STPG2: variants seen among roughly 807,000 people sequenced by gnomAD.
STPG2 encodes the protein sperm tail PG-rich repeat containing 2, also known as sperm-tail PG-rich repeat-containing protein 2.
In STPG2, 56 loss-of-function variants were observed where a neutral mutation model predicts 54.2. That is an observed-to-expected ratio of 1.03 (90% CI 0.83 to 1.29). The LOEUF (loss-of-function observed/expected upper bound fraction) is 1.29, where lower values mean the gene tolerates loss of function less well. Among genes scored for constraint, STPG2 ranks in the 50% most tolerant of loss-of-function variants. The probability of loss-of-function intolerance (pLI) is 0.00; values close to 1 mark genes in which losing one functional copy is unlikely to be tolerated. For synonymous variants in STPG2, 200 were observed against 181.8 expected (o/e 1.10, Z -0.81); for missense variants, 596 against 544.9 (o/e 1.09, Z -0.93).
intron 4 of STPG2, among the ~76,000 whole-genome samples, chr4:98,108,781 C>A (rs1002052449): frequency 6.6e-6 from 1 of 151,676 alleles, no homozygotes; most frequent in Non-Finnish European, 1.5e-5. Flanking sequence ...ATAGATGTAA[C>A]AATATTAACT....
intron 10 of STPG2, among the ~76,000 whole-genome samples, chr4:97,634,094 C>G (rs1386228089): frequency 6.6e-6 from 1 of 152,158 alleles, no homozygotes; most frequent in Non-Finnish European, 1.5e-5. Context: ...ATGTCCCTGT[C>G]TGACAGCTTT....
Position 97,454,519 on chromosome 4 carries a change from CAAAAAAAAAAAAAAAAAAAA to C in STPG2, c.462+258160_462+258179del, listed in dbSNP as rs10564687. On this transcript the variant is annotated intron_variant, in intron 4 of 4. Coordinates refer to the STPG2 transcript ENST00000522676. ...TGGGCGACAGAGCGAGACTCCGTCTCAAAAAAAAAAAAAAAAAAAAAAAAAAAAAAAAAAAAAAGAAAAGG... is the reference window on the plus strand; with the variant it reads ...TGGGCGACAGAGCGAGACTCCGTCTCAAAAAAAAAAAAAAAAAAGAAAAGG... 4.6e-3 allele frequency among the ~76,000 whole-genome samples: 201 copies of C among 43,682 alleles called. 1 individual carries two copies. Among genetic ancestry groups the C allele is most frequent in the South Asian group, 7.7e-3 (5 of 652 alleles). The allele number at this position is 43,682 out of a possible 152,430, so 28.7% of individuals were successfully genotyped here. A position where few individuals can be genotyped will look rare whatever the true frequency, so the allele number is the denominator to read the frequency against.
intron 9 of STPG2, among the ~76,000 whole-genome samples, chr4:97,755,639 C>A (rs1200583527): frequency 6.6e-6 from 1 of 152,086 alleles, no homozygotes; most frequent in African/African-American, 2.4e-5. Context: ...TGTGTGCATA[C>A]CCAAATTTGA....
At chr4:98,135,560 C>T (rs2110169186) in intron 1 of STPG2, among the ~76,000 whole-genome samples, 1 of 151,788 alleles carries the variant, frequency 6.6e-6, no homozygotes, top group Middle Eastern at 3.4e-3. Context: ...AGTTCTCATC[C>T]ACATTGAGAT....
At chr4:97,870,057 T>C (rs886139630) in intron 8 of STPG2, among the ~76,000 whole-genome samples, 1 of 151,668 alleles carries the variant, frequency 6.6e-6, no homozygotes, top group Non-Finnish European at 1.5e-5. Context: ...ATATTTAACA[T>C]CATCAAAATA....
intron 9 of STPG2, among the ~76,000 whole-genome samples, chr4:97,722,625 G>C (rs1015067205): frequency 6.6e-6 from 1 of 151,756 alleles, no homozygotes; most frequent in African/African-American, 2.4e-5. Context: ...TCTTAAGAGG[G>C]AACATGAGTC....
chr4:97,840,886 A>G lies in STPG2; in HGVS notation c.1091T>C (p.Met364Thr), dbSNP rs1343856368. Residue 364 changes from methionine to threonine, a missense_variant, in exon 9 of 11, where the codon ATG (methionine) becomes ACG (threonine). By Grantham distance (81) the Met-to-Thr change is moderately conservative. Coordinates refer to ENST00000295268, the MANE Select transcript of STPG2 (RefSeq NM_174952.3). Reference sequence around the variant, plus strand: ...CATATATTTATGCTTAACTTGGGACATCTCATATGATTTGTGAACATCATA... The same window carrying G: ...CATATATTTATGCTTAACTTGGGACGTCTCATATGATTTGTGAACATCATA... Reference protein sequence around the residue: ...GSYDVHKSYEMSQVKHKYMPP... With the variant: ...GSYDVHKSYETSQVKHKYMPP... 1.2e-6 allele frequency: 2 copies of G among 1,611,998 alleles called. No homozygotes were observed. The highest frequency in any genetic ancestry group is 3.3e-5 in the Admixed American group (2 of 59,778).
At chr4:97,924,372 T>C (rs1732255352) in intron 8 of STPG2, among the ~76,000 whole-genome samples, 1 of 152,234 alleles carries the variant, frequency 6.6e-6, no homozygotes, top group Non-Finnish European at 1.5e-5. Context: ...ACACATGCTA[T>C]AGTAATACAA....
At chr4:97,939,940 G>A (rs1484512402) in intron 8 of STPG2, among the ~76,000 whole-genome samples, 2 of 152,082 alleles carry the variant, frequency 1.3e-5, no homozygotes, top group African/African-American at 4.8e-5. Flanking sequence ...AGCTGGTAGT[G>A]GTGTTTCCTT....
At position 98,020,062 on chromosome 4, in the gene STPG2, G is replaced by A. The variant is rs1736122969; in HGVS notation, c.613-38744C>T. Among the ~76,000 whole-genome samples the A allele has an allele frequency of 5.8e-5, 7 of 121,424 alleles. 2 individuals carry two copies. In the South Asian group the frequency reaches 2.0e-3, roughly 35 times the overall value. The allele number at this position is 121,424 out of a possible 152,430, so 79.7% of individuals were successfully genotyped here. A position where few individuals can be genotyped will look rare whatever the true frequency, so the allele number is the denominator to read the frequency against. On this transcript the variant is annotated intron_variant, in intron 5 of 10. Transcript: ENST00000295268. ...AGAACTTCCAACAGTATGTTGAATAGGAGTGGTGAGAGAGGGCATCCCTGT... is the reference window on the plus strand; with the variant it reads ...AGAACTTCCAACAGTATGTTGAATAAGAGTGGTGAGAGAGGGCATCCCTGT...
chr4:97,587,011 T>G (rs976159688), intron 10 of STPG2, among the ~76,000 whole-genome samples: 1 of 151,970 alleles, frequency 6.6e-6, no homozygotes, highest in African/African-American at 2.4e-5. Context: ...GCCACTCTTA[T>G]GTATGGCAAT....
At chr4:98,067,252 A>T (rs1737862744) in intron 5 of STPG2, among the ~76,000 whole-genome samples, 1 of 152,200 alleles carries the variant, frequency 6.6e-6, no homozygotes, top group African/African-American at 2.4e-5. Flanking sequence ...GCAATGCTGG[A>T]ACTGTACCTT....
rs189355800 is a variant in STPG2, at chr4:97,904,200, G to C, written c.1044+39697C>G. On this transcript the variant is annotated intron_variant, in intron 8 of 10. Transcript: ENST00000295268. ...AACCTCTGCAGACTTAAATGTCCCT[G>C]TCTAACAGCTTTGAAGAGAGCAGTG... Among the ~76,000 whole-genome samples the C allele has an allele frequency of 3.9e-3, 589 of 152,314 alleles. 2 individuals carry two copies. Among genetic ancestry groups the C allele is most frequent in the Non-Finnish European group, 7.0e-3 (475 of 68,018 alleles).
chr4:97,872,791 T>C (rs1320861053), intron 8 of STPG2, among the ~76,000 whole-genome samples: 1 of 151,284 alleles, frequency 6.6e-6, no homozygotes, highest in Admixed American at 6.6e-5. Flanking sequence ...TTACAATTAT[T>C]ACTTAATTTT....
At chr4:98,044,355 G>A (rs1195609582) in intron 5 of STPG2, among the ~76,000 whole-genome samples, 1 of 151,990 alleles carries the variant, frequency 6.6e-6, no homozygotes, top group Non-Finnish European at 1.5e-5. Flanking sequence ...TAGCAATTTG[G>A]TCACAACAGT....
At chr4:97,909,373 T>C (rs1731588889) in intron 8 of STPG2, among the ~76,000 whole-genome samples, 2 of 152,106 alleles carry the variant, frequency 1.3e-5, no homozygotes, top group African/African-American at 4.8e-5. Context: ...GAATCTACCC[T>C]CAAATGGTTA....
At chr4:97,816,448 A>C (rs184192089) in intron 9 of STPG2, among the ~76,000 whole-genome samples, 2 of 152,306 alleles carry the variant, frequency 1.3e-5, no homozygotes, top group Admixed American at 6.5e-5. Context: ...TCCTTAAGGA[A>C]TCACCACACT....
intron 8 of STPG2, among the ~76,000 whole-genome samples, chr4:97,857,950 GA>G (rs1729386670): frequency 6.6e-6 from 1 of 151,768 alleles, no homozygotes; most frequent in Admixed American, 6.6e-5. Context: ...CAAGCAGAAG[GA>G]AAAATTAGTG....
chr4:97,915,236 T>C (rs934943222), intron 8 of STPG2, among the ~76,000 whole-genome samples: 11 of 151,900 alleles, frequency 7.2e-5, no homozygotes, highest in Admixed American at 5.9e-4. Context: ...CTTAAGGAAT[T>C]TACGATACAC....
Sources: gnomAD v4.1 joint callset for allele counts (sites outside exome capture counted in the v4.1 genomes callset) on GRCh38, gnomAD v4.1.1 for gene constraint, MANE v1.5 for transcripts, NCBI Gene and HGNC (gene_info 2026-07-23, HGNC 2026-07-21) for gene names.